KAT6A: variants seen among roughly 807,000 people sequenced by gnomAD.
KAT6A encodes lysine acetyltransferase 6A.
In KAT6A, 9 loss-of-function variants were observed where a neutral mutation model predicts 198.4. The observed-to-expected ratio is 0.05, with a 90% confidence interval of 0.03 to 0.08. The LOEUF (loss-of-function observed/expected upper bound fraction) is 0.08. KAT6A is among the 10% of genes least tolerant of loss of function. The pLI, the probability that KAT6A is intolerant of heterozygous loss-of-function variation, is 1.00. For missense variants in KAT6A, 2,077 were observed against 2,509.9 expected (o/e 0.83, Z 3.69); for synonymous variants, 890 against 883.0 (o/e 1.01, Z -0.14).
At chr8:42,006,779 T>C (rs965372257) in intron 2 of KAT6A, among the ~76,000 whole-genome samples, 1 of 152,208 alleles carries the variant, frequency 6.6e-6, no homozygotes, top group Admixed American at 6.5e-5. Context: ...GCGGATCACC[T>C]GAGGTCAGGA....
At chr8:42,039,157 G>C (rs1281769044) in intron 2 of KAT6A, among the ~76,000 whole-genome samples, 1 of 152,172 alleles carries the variant, frequency 6.6e-6, no homozygotes. Context: ...AAGCAGAAGG[G>C]TGAAGTTACT....
intron 2 of KAT6A, among the ~76,000 whole-genome samples, chr8:42,039,122 G>A (rs953264268): frequency 1.3e-5 from 2 of 152,154 alleles, no homozygotes; most frequent in African/African-American, 4.8e-5. Context: ...AGCTGAATGA[G>A]TCCTAATCCT....
Position 41,942,794 on chromosome 8 carries a change from C to T in KAT6A, c.2435G>A (p.Ser812Asn). The T allele has an allele frequency of 6.2e-7, 1 of 1,614,132 alleles. No individual in the cohort carries two copies. The change falls in exon 14 of 17, where the codon AGT becomes AAT. Residue 812 changes from serine (S) to asparagine (N), a missense_variant and splice_region_variant. Coordinates refer to ENST00000265713, the MANE Select transcript of KAT6A (RefSeq NM_006766.5). ...PQCQERELEISVGKSVSHENK... is the reference protein window; with the variant it reads ...PQCQERELEINVGKSVSHENK... ...AATAGAGACTATTCATGCCCTTACA[C>T]TGATCTCTAATTCTCTTTCCTGGCA...
intron 2 of KAT6A, among the ~76,000 whole-genome samples, chr8:41,992,126 AG>A (rs1244863137): frequency 6.6e-6 from 1 of 151,938 alleles, no homozygotes; most frequent in Non-Finnish European, 1.5e-5. Flanking sequence ...GCTTGAGCCC[AG>A]GAAGTCAAGG....
chr8:41,994,082 T>C (rs1458382038), intron 2 of KAT6A, among the ~76,000 whole-genome samples: 2 of 151,962 alleles, frequency 1.3e-5, no homozygotes, highest in Non-Finnish European at 2.9e-5. Context: ...AGACAGAAAA[T>C]ATGCCATATA....
intron 2 of KAT6A, among the ~76,000 whole-genome samples, chr8:42,014,753 A>C (rs1295520045): frequency 6.6e-6 from 1 of 152,244 alleles, no homozygotes; most frequent in Non-Finnish European, 1.5e-5. Context: ...GATATTACTC[A>C]ACTAGAATAA....
intron 8 of KAT6A, among the ~76,000 whole-genome samples, chr8:41,964,040 A>G (rs1317557698): frequency 6.6e-6 from 1 of 152,214 alleles, no homozygotes; most frequent in East Asian, 1.9e-4. Context: ...ATAACTAAAA[A>G]TAGAACAATA....
At chr8:41,976,913 TA>T (rs1428673269) in intron 7 of KAT6A, 94 bp downstream of exon 7, 4 of 1,026,984 alleles carry the variant, frequency 3.9e-6, no homozygotes, top group Admixed American at 5.0e-5. Context: ...CAATTGTTAA[TA>T]ATCAAATATA....
intron 2 of KAT6A, among the ~76,000 whole-genome samples, chr8:42,040,422 G>A (rs912591153): frequency 6.6e-6 from 1 of 152,056 alleles, no homozygotes; most frequent in Non-Finnish European, 1.5e-5. Flanking sequence ...CTAGAAAAAT[G>A]TCTAGGTTGT....
chr8:41,953,203 C>CTCTTGAA (rs1343252836), intron 9 of KAT6A, among the ~76,000 whole-genome samples: 1 of 152,104 alleles, frequency 6.6e-6, no homozygotes, highest in Non-Finnish European at 1.5e-5. Context: ...GTTTATGATT[C>CTCTTGAA]CATTCTCATC....
At chr8:41,985,310 T>TATG (rs555869843) in intron 3 of KAT6A, among the ~76,000 whole-genome samples, 41 of 152,348 alleles carry the variant, frequency 2.7e-4, no homozygotes, top group African/African-American at 8.7e-4. Context: ...ACACGCTGGA[T>TATG]ATGACTACCT....
rs770241643 is a variant in KAT6A at position 42,048,520 on chromosome 8, C to T, written c.458G>A (p.Arg153His). 5.0e-6 allele frequency: 8 copies of T among 1,614,040 alleles called. No individual in the cohort carries two copies. The highest frequency in any genetic ancestry group is 1.3e-5 in the African/African-American group (1 of 74,904). ...AAGGAGTCTGCCGTGGCCAATGGCA[C>T]GTTTGATAGCCAATCGTAACTGCTG... Reference protein sequence around the residue: ...FHQQLRLAIKRAIGHGRLLKD... With the variant: ...FHQQLRLAIKHAIGHGRLLKD... The change falls in exon 2 of 17, where the codon CGT becomes CAT. Residue 153 changes from arginine (R) to histidine (H), a missense_variant. By Grantham distance (29) the Arg-to-His change is conservative (BLOSUM62 0). This residue lies in a region of KAT6A where 185 missense variants were observed against 185.7 expected (regional missense o/e 1.00). Coordinates refer to ENST00000265713, the MANE Select transcript of KAT6A (RefSeq NM_006766.5).
chr8:41,948,423 A>G (rs1285994716), intron 10 of KAT6A, among the ~76,000 whole-genome samples: 1 of 152,212 alleles, frequency 6.6e-6, no homozygotes, highest in African/African-American at 2.4e-5. Flanking sequence ...ATTGCCACGC[A>G]GAAGCACCAA....
chr8:42,025,750 C>T (rs1468964857), intron 2 of KAT6A, among the ~76,000 whole-genome samples: 2 of 152,070 alleles, frequency 1.3e-5, no homozygotes, highest in Non-Finnish European at 2.9e-5. Flanking sequence ...GCAGTAGCTC[C>T]TTAGTTTAAT....
chr8:41,961,736 A>C (rs1381478763), intron 8 of KAT6A, among the ~76,000 whole-genome samples: 1 of 141,592 alleles, frequency 7.1e-6, no homozygotes, highest in African/African-American at 2.7e-5. Flanking sequence ...CTGGTGACAG[A>C]GCGAGACTCC....
chr8:41,971,262 G>A lies in KAT6A; in HGVS notation c.1482+3442C>T, dbSNP rs544221291. 5.3e-5 allele frequency among the ~76,000 whole-genome samples: 8 copies of A among 151,426 alleles called. 1 individual carries two copies. The South Asian group carries it at 1.7e-3, about 32-fold the overall frequency. On this transcript the variant is annotated intron_variant, in intron 8 of 16. Coordinates refer to ENST00000265713, the MANE Select transcript of KAT6A (RefSeq NM_006766.5). ...AAAAAAAGAAAGGCCTCGTTCTCAA[G>A]GCACTTACATTCTAGAAATAAAAAA...
intron 2 of KAT6A, among the ~76,000 whole-genome samples, chr8:42,000,256 C>T (rs1170130792): frequency 2.6e-5 from 4 of 152,090 alleles, no homozygotes; most frequent in African/African-American, 4.8e-5. Context: ...AAAATATATA[C>T]AGAAGTGATG....
At chr8:42,021,925 AAAAACAAAAC>A (rs59754198) in intron 2 of KAT6A, among the ~76,000 whole-genome samples, 3 of 152,040 alleles carry the variant, frequency 2.0e-5, no homozygotes, top group Non-Finnish European at 4.4e-5. Flanking sequence ...ACTCTGTCTC[AAAAACAAAAC>A]AAAACAAAAC....
intron 9 of KAT6A, among the ~76,000 whole-genome samples, chr8:41,952,837 A>G (rs986185684): frequency 6.6e-6 from 1 of 152,180 alleles, no homozygotes; most frequent in Admixed American, 6.5e-5. Context: ...TTTTTAAAAA[A>G]TGTAACCAAG....
Sources: allele counts gnomAD v4.1 joint callset (sites outside exome capture counted in the v4.1 genomes callset), GRCh38; gene constraint gnomAD v4.1.1; regional missense constraint gnomAD v4.1.1; transcripts MANE v1.5; gene names NCBI Gene and HGNC (gene_info 2026-07-23, HGNC 2026-07-21).